GMPS: variants seen among roughly 807,000 people sequenced by gnomAD.
GMPS encodes the protein GMP synthase [glutamine-hydrolyzing].
In GMPS, 15 loss-of-function variants were observed where a neutral mutation model predicts 77.9. That is an observed-to-expected ratio of 0.19 (90% CI 0.13 to 0.30). The LOEUF is 0.30. Among genes scored for constraint, GMPS ranks in the 10% least tolerant of loss-of-function variants. The pLI is 1.00. For missense variants in GMPS, 590 were observed against 838.8 expected, an observed-to-expected ratio of 0.70 and a Z score of 3.66; for synonymous variants, 224 against 275.9, an observed-to-expected ratio of 0.81 and a Z score of 1.86.
At chr3:155,917,216 G>A (rs1280241160) in intron 9 of GMPS, among the ~76,000 whole-genome samples, 1 of 151,872 alleles carries the variant, frequency 6.6e-6, no homozygotes, top group Non-Finnish European at 1.5e-5. Flanking sequence ...CAGGTGATCC[G>A]CCTGCCTCTG....
chr3:155,878,639 A>T (rs921581212), intron 1 of GMPS, among the ~76,000 whole-genome samples: 3 of 152,212 alleles, frequency 2.0e-5, no homozygotes, highest in African/African-American at 7.2e-5. Context: ...TTATGTCAGG[A>T]TTCTCCAGAA....
chr3:155,933,885 C>T (rs1268258142), intron 13 of GMPS, among the ~76,000 whole-genome samples: 1 of 152,146 alleles, frequency 6.6e-6, no homozygotes, highest in African/African-American at 2.4e-5. Context: ...ATTCTAATTT[C>T]CTCAAGTTAT....
chr3:155,910,439 C>A (rs903617256), intron 5 of GMPS, among the ~76,000 whole-genome samples: 38 of 151,942 alleles, frequency 2.5e-4, no homozygotes, highest in African/African-American at 9.2e-4. Flanking sequence ...CGTGGTGGCA[C>A]ACGCCTGTAA....
intron 2 of GMPS, among the ~76,000 whole-genome samples, chr3:155,894,939 A>C (rs1204614849): frequency 6.6e-6 from 1 of 152,236 alleles, no homozygotes; most frequent in African/African-American, 2.4e-5. Flanking sequence ...AGCAAGAACT[A>C]GTTTTTTAGA....
intron 1 of GMPS, among the ~76,000 whole-genome samples, chr3:155,881,497 T>C (rs1251765469): frequency 6.6e-6 from 1 of 152,178 alleles, no homozygotes; most frequent in East Asian, 1.9e-4. Context: ...AAATGTTACT[T>C]AAGCTGGTGG....
Position 155,922,236 on chromosome 3 carries a change from TA to T in GMPS, c.1370del (p.Lys457ArgfsTer10). On this transcript the variant is annotated frameshift_variant, in exon 11 of 16. Transcript: ENST00000496455. LOFTEE classifies it high-confidence loss of function. ...VICAEEPYIC[K>X]DFPETNNILK... ...TATGTGCTGAAGAACCTTATATTTG[TA>T]AGGACTTTCCTGAAACCAACAATAT... 1.3e-6 allele frequency: 2 copies of T among 1,571,324 alleles called. No individual in the cohort carries two copies. Among genetic ancestry groups the T allele is most frequent in the Non-Finnish European group, 1.7e-6 (2 of 1,158,800 alleles).
chr3:155,893,450 A>T (rs74740515), intron 1 of GMPS, 68 bp from the exon 2 acceptor site: 28 of 1,034,036 alleles, frequency 2.7e-5, no homozygotes, highest in South Asian at 1.7e-4. Flanking sequence ...GTGATCATTA[A>T]TTTTTTTTTA....
intron 12 of GMPS, among the ~76,000 whole-genome samples, chr3:155,930,871 G>A (rs1398327026): frequency 6.6e-6 from 1 of 152,052 alleles, no homozygotes; most frequent in East Asian, 1.9e-4. Context: ...GCCCAGGCTA[G>A]AGTACAGTGG....
chr3:155,893,682 A>G lies in GMPS; in HGVS notation c.192A>G (p.Ile64Met). The G allele has an allele frequency of 5.0e-6, 8 of 1,602,562 alleles. No homozygotes were observed. Among genetic ancestry groups the G allele is most frequent in the Non-Finnish European group, 6.8e-6 (8 of 1,171,204 alleles). ...IFPLETPAFA[I>M]KEQGFRAIII... ...CCTTGGAAACACCAGCATTTGCTAT[A>G]AAGGAACAAGGATTCCGGTAGACTT... The change falls in exon 2 of 16, where the codon ATA becomes ATG. Residue 64 changes from isoleucine (I) to methionine (M), a missense_variant. Ile to Met is a conservative substitution (Grantham distance 10). Around this residue, in one of 6 missense-constraint regions of GMPS, gnomAD observed 136 missense variants for 225.6 expected, o/e 0.60. Coordinates refer to ENST00000496455, the MANE Select transcript of GMPS (RefSeq NM_003875.3).
intron 1 of GMPS, among the ~76,000 whole-genome samples, chr3:155,874,219 G>A (rs1213419862): frequency 6.6e-6 from 1 of 152,142 alleles, no homozygotes; most frequent in Non-Finnish European, 1.5e-5. Context: ...GACTTGTCAA[G>A]TTTCCTACTC....
rs932212757 is a variant in GMPS at position 155,942,825 on chromosome 3, A to T, written c.*5133A>T. On this transcript the variant is annotated 3_prime_UTR_variant, in exon 16 of 16. Coordinates refer to ENST00000496455, the MANE Select transcript of GMPS (RefSeq NM_003875.3). Reference sequence around the variant, plus strand: ...CAGACTGAGCTATTATTGCATCAACACATAAATCCTGTCATTTGGGTATTA... The same window carrying T: ...CAGACTGAGCTATTATTGCATCAACTCATAAATCCTGTCATTTGGGTATTA... The T allele has an allele frequency of 4.6e-6, 1 of 217,060 alleles. No homozygotes were observed. The highest frequency in any genetic ancestry group is 2.3e-5 in the African/African-American group (1 of 44,438). 13.4% of individuals were successfully genotyped at this position (217,060 alleles called of 1,614,324 possible).
At chr3:155,890,220 A>C (rs1754432131) in intron 1 of GMPS, among the ~76,000 whole-genome samples, 1 of 152,248 alleles carries the variant, frequency 6.6e-6, no homozygotes, top group Non-Finnish European at 1.5e-5. Flanking sequence ...GTGTCACAGA[A>C]TTGAACATTT....
At chr3:155,881,933 G>A (rs1434451135) in intron 1 of GMPS, among the ~76,000 whole-genome samples, 5 of 152,158 alleles carry the variant, frequency 3.3e-5, no homozygotes, top group African/African-American at 9.7e-5. Flanking sequence ...AGGCATGGTG[G>A]TGCATGCATG....
chr3:155,914,498 A>G lies in GMPS; in HGVS notation c.966A>G (p.Arg322=). The G allele has an allele frequency of 6.2e-7, 1 of 1,606,340 alleles. No individual in the cohort carries two copies. Among genetic ancestry groups the G allele is most frequent in the South Asian group, 1.1e-5 (1 of 89,080 alleles). Residue 322 remains arginine (R), a synonymous_variant, in exon 8 of 16, where the codon AGA becomes AGG. Transcript: ENST00000496455. ...ATGAAGATAGAACCCCACGGAAAAG[A>G]ATTAGCAAAACGTTAAATATGACCA... ...ISDEDRTPRK[R]ISKTLNMTTS... is the part of the protein sequence containing the mutation.
chr3:155,931,048 A>C (rs1282802355), intron 12 of GMPS, among the ~76,000 whole-genome samples: 1 of 151,988 alleles, frequency 6.6e-6, no homozygotes, highest in African/African-American at 2.4e-5. Flanking sequence ...CTGGTCTCAA[A>C]CTTCTGGGCT....
intron 1 of GMPS, among the ~76,000 whole-genome samples, chr3:155,872,970 T>G (rs1173358897): frequency 2.0e-5 from 3 of 152,180 alleles, no homozygotes; most frequent in African/African-American, 7.2e-5. Flanking sequence ...ATCACCTACT[T>G]TATTATGCAT....
At chr3:155,877,586 C>G (rs1285318332) in intron 1 of GMPS, among the ~76,000 whole-genome samples, 1 of 152,092 alleles carries the variant, frequency 6.6e-6, no homozygotes, top group Non-Finnish European at 1.5e-5. Context: ...ACCACAAATT[C>G]ATTTTCTGTC....
At chr3:155,936,550 C>G (rs1388704759) in intron 15 of GMPS, 40 bp downstream of exon 15, 2 of 1,140,676 alleles carry the variant, frequency 1.8e-6, no homozygotes, top group African/African-American at 1.5e-5. Flanking sequence ...TTCTCAGTAC[C>G]TCTTACATTT....
rs4679758 is a variant in GMPS, at chr3:155,940,463, C to T, written c.*2771C>T. 0.19 allele frequency: 40,941 copies of T among 211,634 alleles called. 4,140 individuals carry two copies. Among genetic ancestry groups the T allele is most frequent in the South Asian group, 0.26 (1,413 of 5,352 alleles). 13.1% of individuals were successfully genotyped at this position (211,634 alleles called of 1,614,324 possible). A position where few individuals can be genotyped will look rare whatever the true frequency, so the allele number is the denominator to read the frequency against. On this transcript the variant is annotated 3_prime_UTR_variant, in exon 16 of 16. Coordinates refer to ENST00000496455, the MANE Select transcript of GMPS (RefSeq NM_003875.3). ...ACAAGCATCATAAAATTTGTTTCCT[C>T]ACTGTTTGGGCTTAACCTCCTGATA...
Sources: allele counts gnomAD v4.1 joint callset (sites outside exome capture counted in the v4.1 genomes callset), GRCh38; gene constraint gnomAD v4.1.1; regional missense constraint gnomAD v4.1.1; transcripts MANE v1.5; gene names NCBI Gene and HGNC (gene_info 2026-07-23, HGNC 2026-07-21).